Variants in BLTP3B observed in about 807,000 individuals in gnomAD.
BLTP3B encodes the protein UHRF1 (ICBP90) binding protein 1-like.
the BLTP3B span, among the ~76,000 whole-genome samples, chr12:100,138,847 A>T: frequency 6.8e-6 from 1 of 147,538 alleles, no homozygotes; most frequent in Non-Finnish European, 1.5e-5. Flanking sequence ...AGGTGTGTAC[A>T]TGTGTATACA....
the BLTP3B span, among the ~76,000 whole-genome samples, chr12:100,073,975 C>G: frequency 1.3e-5 from 2 of 152,172 alleles, no homozygotes; most frequent in African/African-American, 4.8e-5. Context: ...AAGGATGCCC[C>G]CTCTCACAAC....
chr12:100,059,104 A>C, the BLTP3B span: 1 of 1,614,076 alleles, frequency 6.2e-7, no homozygotes, highest in Non-Finnish European at 8.5e-7. Flanking sequence ...ATCCAAATGG[A>C]AAGAGGGAAT....
At chr12:100,042,500 C>T in the BLTP3B span, among the ~76,000 whole-genome samples, 2 of 152,156 alleles carry the variant, frequency 1.3e-5, no homozygotes, top group Non-Finnish European at 2.9e-5. Context: ...CTTACCCATA[C>T]TCAAATTGAA....
the BLTP3B span, among the ~76,000 whole-genome samples, chr12:100,097,194 C>T: frequency 6.6e-6 from 1 of 152,194 alleles, no homozygotes; most frequent in African/African-American, 2.4e-5. Flanking sequence ...ATCTGAGTAA[C>T]TATACCTCCC....
At chr12:100,047,715 T>G in the BLTP3B span, 1 of 1,165,888 alleles carries the variant, frequency 8.6e-7, no homozygotes. Flanking sequence ...AACACATGTA[T>G]CTTTATATGT....
chr12:100,063,265 G>A, the BLTP3B span, among the ~76,000 whole-genome samples: 3 of 152,270 alleles, frequency 2.0e-5, no homozygotes, highest in East Asian at 3.9e-4. Context: ...ACTCACAGCT[G>A]AGCCACAGAT....
At chr12:100,057,486 A>G in the BLTP3B span, 2 of 1,080,246 alleles carry the variant, frequency 1.9e-6, no homozygotes, top group Non-Finnish European at 2.5e-6. Context: ...TACAGTTAAC[A>G]ATTACTGAAT....
chr12:100,069,198 TAA>T, the BLTP3B span, among the ~76,000 whole-genome samples: 1 of 151,738 alleles, frequency 6.6e-6, no homozygotes, highest in South Asian at 2.1e-4. Context: ...GGCAACAGAG[TAA>T]GACTCCATCT....
chr12:100,135,281 C>CTTTCTTTTTT, the BLTP3B span, among the ~76,000 whole-genome samples: 2 of 141,226 alleles, frequency 1.4e-5, no homozygotes, highest in African/African-American at 5.5e-5. Context: ...TTCTTTCTTT[C>CTTTCTTTTTT]TTTTTTTTTT....
the BLTP3B span, chr12:100,058,284 T>A: frequency 3.1e-6 from 5 of 1,613,756 alleles, no homozygotes; most frequent in African/African-American, 6.7e-5. Flanking sequence ...ATCCTTTTTG[T>A]CACTTGTTTC....
At chr12:100,098,798 A>G in the BLTP3B span, among the ~76,000 whole-genome samples, 1 of 151,520 alleles carries the variant, frequency 6.6e-6, no homozygotes, top group East Asian at 1.9e-4. Context: ...AATTTCAGCT[A>G]CTTGGGAGGC....
the BLTP3B span, among the ~76,000 whole-genome samples, chr12:100,048,795 T>G: frequency 1.3e-5 from 2 of 149,960 alleles, no homozygotes; most frequent in African/African-American, 5.0e-5. Context: ...TGTGTGTGTG[T>G]GTGTGTGTGT....
the BLTP3B span, among the ~76,000 whole-genome samples, chr12:100,132,969 C>A: frequency 6.6e-6 from 1 of 150,400 alleles, no homozygotes; most frequent in Admixed American, 6.6e-5. Context: ...ATAGGCCGGG[C>A]GTGGTGGCTC....
the BLTP3B span, among the ~76,000 whole-genome samples, chr12:100,040,302 G>A: frequency 6.6e-6 from 1 of 152,126 alleles, no homozygotes; most frequent in Non-Finnish European, 1.5e-5. Flanking sequence ...AGGCCTAGCT[G>A]GGAGAACTGC....
chr12:100,118,573 C>T, the BLTP3B span, among the ~76,000 whole-genome samples: 6 of 152,082 alleles, frequency 3.9e-5, no homozygotes, highest in Non-Finnish European at 8.8e-5. Flanking sequence ...GAAATTTGAA[C>T]AGAGTATGGC....
chr12:100,084,388 AC>A, the BLTP3B span: 1 of 452,534 alleles, frequency 2.2e-6, no homozygotes, highest in South Asian at 4.1e-5. Flanking sequence ...TCACACACAC[AC>A]ACACACACAC....
chr12:100,087,260 A>G, the BLTP3B span, among the ~76,000 whole-genome samples: 1 of 152,142 alleles, frequency 6.6e-6, no homozygotes, highest in South Asian at 2.1e-4. Context: ...GTAGATTACA[A>G]ATTGGTATAA....
At chr12:100,041,977 T>C in the BLTP3B span, among the ~76,000 whole-genome samples, 901 of 152,218 alleles carry the variant, frequency 5.9e-3, 6 homozygotes, top group Non-Finnish European at 8.5e-3. Flanking sequence ...TAATGTGTAA[T>C]AAAGAATCCA....
the BLTP3B span, chr12:100,047,594 A>G: frequency 1.2e-6 from 2 of 1,613,652 alleles, no homozygotes; most frequent in Non-Finnish European, 1.7e-6. Context: ...GTACAGTTAC[A>G]GGAGCTGGTT....
Sources: allele counts gnomAD v4.1 joint callset (sites outside exome capture counted in the v4.1 genomes callset), GRCh38; gene constraint gnomAD v4.1.1; transcripts MANE v1.5; gene names NCBI Gene and HGNC (gene_info 2026-07-23, HGNC 2026-07-21).